ADAMTS17: variants seen among roughly 807,000 people sequenced by gnomAD.
ADAMTS17 encodes A disintegrin and metalloproteinase with thrombospondin motifs 17.
ADAMTS17 carries 113 observed loss-of-function variants against 141.5 expected under a neutral mutation model. The ratio of observed to expected loss-of-function variants is 0.80; its 90% CI spans 0.69 to 0.93. ADAMTS17 has a LOEUF of 0.93. ADAMTS17 is among the 40% of genes least tolerant of loss of function. The probability of loss-of-function intolerance (pLI) is 0.00; values close to 1 mark genes in which losing one functional copy is unlikely to be tolerated. For synonymous variants in ADAMTS17, 768 were observed against 630.6 expected (o/e 1.22, Z -3.27); for missense variants, 1,659 against 1,517.9 (o/e 1.09, Z -1.54).
At position 99,974,500 on chromosome 15, in the gene ADAMTS17, T is replaced by C; in HGVS notation, c.3190A>G (p.Lys1064Glu). ...WTVYCRVIRE[K>E]NLCQDMRWYQ... Reference sequence around the variant, plus strand: ...CACCGCATGTCCTGGCAGAGGTTCTTTTCTCGGATGACCCGGCAATATACC... The same window carrying C: ...CACCGCATGTCCTGGCAGAGGTTCTCTTCTCGGATGACCCGGCAATATACC... Residue 1064 changes from lysine (K) to glutamate (E), a missense_variant, in exon 22 of 22, where the codon AAG becomes GAG. Transcript: ENST00000268070. 1 of 1,614,234 alleles carries C rather than the reference T, an allele frequency of 6.2e-7. No individual in the cohort carries two copies.
intron 13 of ADAMTS17, 143 bp downstream of exon 13, chr15:100,116,704 G>A: frequency 8.9e-7 from 1 of 1,127,972 alleles, no homozygotes; most frequent in Non-Finnish European, 1.3e-6. Flanking sequence ...ACAAAGTTGG[G>A]CCGCAGCTGA....
At chr15:100,236,559 A>C (rs2141874535) in intron 7 of ADAMTS17, among the ~76,000 whole-genome samples, 1 of 152,066 alleles carries the variant, frequency 6.6e-6, no homozygotes, top group Middle Eastern at 3.4e-3. Context: ...ACAAACAAAA[A>C]AACGGCAGTA....
chr15:100,273,591 C>T (rs538613608), intron 4 of ADAMTS17, among the ~76,000 whole-genome samples: 15 of 152,190 alleles, frequency 9.9e-5, no homozygotes, highest in Middle Eastern at 3.4e-3. Context: ...TTTTATCAGT[C>T]GATCTAGCTA....
intron 4 of ADAMTS17, among the ~76,000 whole-genome samples, chr15:100,271,386 T>C (rs553588886): frequency 6.6e-6 from 1 of 152,196 alleles, no homozygotes; most frequent in Admixed American, 6.6e-5. Flanking sequence ...CTGTCAACAC[T>C]TCTGTTTTGT....
At chr15:100,246,107 C>T (rs752106377) in intron 7 of ADAMTS17, among the ~76,000 whole-genome samples, 7 of 152,140 alleles carry the variant, frequency 4.6e-5, no homozygotes, top group South Asian at 2.1e-4. Flanking sequence ...CGCTCTCCAA[C>T]GATCAGACAC....
chr15:100,246,027 C>T (rs1207307093), intron 7 of ADAMTS17, among the ~76,000 whole-genome samples: 1 of 152,126 alleles, frequency 6.6e-6, no homozygotes, highest in Admixed American at 6.5e-5. Context: ...GGAATGTTCT[C>T]GGGATCGCCA....
intron 15 of ADAMTS17, among the ~76,000 whole-genome samples, chr15:100,085,361 A>T (rs28773236): frequency 2.3e-5 from 3 of 128,556 alleles, no homozygotes; most frequent in South Asian, 2.3e-4. Flanking sequence ...CCAAATCTAC[A>T]TCTGATTGGT....
chr15:100,055,414 T>C (rs2032484175), intron 15 of ADAMTS17, among the ~76,000 whole-genome samples: 1 of 152,218 alleles, frequency 6.6e-6, no homozygotes, highest in African/African-American at 2.4e-5. Flanking sequence ...CCTCAGTTCT[T>C]GTCTCCAGGA....
intron 13 of ADAMTS17, among the ~76,000 whole-genome samples, chr15:100,114,842 A>C (rs1391568504): frequency 6.6e-6 from 1 of 152,234 alleles, no homozygotes; most frequent in Non-Finnish European, 1.5e-5. Flanking sequence ...GCAACGAAAC[A>C]GTCCAGCCAT....
At chr15:100,304,784 C>T (rs756908832) in intron 3 of ADAMTS17, among the ~76,000 whole-genome samples, 1 of 152,182 alleles carries the variant, frequency 6.6e-6, no homozygotes, top group East Asian at 1.9e-4. Context: ...CAGGTTTGAA[C>T]TGTGCGGGCC....
At chr15:100,334,977 G>A (rs1313277422) in intron 2 of ADAMTS17, among the ~76,000 whole-genome samples, 1 of 152,052 alleles carries the variant, frequency 6.6e-6, no homozygotes, top group South Asian at 2.1e-4. Context: ...CCCTCGTTCA[G>A]TCCTCCCCAT....
chr15:100,224,104 A>G (rs2141810728), intron 7 of ADAMTS17, among the ~76,000 whole-genome samples: 1 of 152,202 alleles, frequency 6.6e-6, no homozygotes. Flanking sequence ...TGCCTTCCCC[A>G]GCCCCCTGAC....
chr15:100,187,765 G>C (rs74599480), intron 8 of ADAMTS17, among the ~76,000 whole-genome samples: 8,866 of 152,240 alleles, frequency 0.058, 317 homozygotes, highest in East Asian at 0.13. Context: ...GGCAGTGAGG[G>C]TGGGAAGAAG....
intron 15 of ADAMTS17, among the ~76,000 whole-genome samples, chr15:100,073,540 T>TA (rs1481401520): frequency 6.6e-6 from 1 of 151,772 alleles, no homozygotes; most frequent in Non-Finnish European, 1.5e-5. Flanking sequence ...TAGACTGGAT[T>TA]AAAAAAATGT....
intron 7 of ADAMTS17, among the ~76,000 whole-genome samples, chr15:100,244,305 C>T (rs1275916164): frequency 2.1e-5 from 3 of 143,688 alleles, no homozygotes; most frequent in Non-Finnish European, 4.6e-5. Flanking sequence ...CACAGCCAAA[C>T]CGTATCAGTA....
intron 3 of ADAMTS17, among the ~76,000 whole-genome samples, chr15:100,284,593 GGGGT>G: frequency 6.6e-6 from 1 of 152,272 alleles, no homozygotes. Context: ...GGAGCACTGA[GGGGT>G]GGGAGGCTAG....
chr15:100,029,144 A>C (rs762911931), intron 18 of ADAMTS17, among the ~76,000 whole-genome samples: 11 of 152,032 alleles, frequency 7.2e-5, no homozygotes, highest in Non-Finnish European at 8.8e-5. Flanking sequence ...TATGTCTCCC[A>C]TCTTATGTCT....
intron 15 of ADAMTS17, among the ~76,000 whole-genome samples, chr15:100,057,387 C>T (rs562960614): frequency 9.9e-5 from 15 of 152,110 alleles, no homozygotes; most frequent in African/African-American, 1.4e-4. Context: ...GGGCCTGCTC[C>T]GTAGAACCCA....
chr15:100,075,838 G>A lies in ADAMTS17; in HGVS notation c.2137+20518C>T, dbSNP rs181984733. Among the ~76,000 whole-genome samples the A allele has an allele frequency of 8.9e-4, 136 of 152,028 alleles. 1 individual carries two copies. The highest frequency in any genetic ancestry group is 1.7e-3 in the South Asian group (8 of 4,808). ...TTCCACTGCTGTTTTTCTCAATCCTGTCCTCCAGGTTTCTTACTGCACTCT... is the reference window on the plus strand; with the variant it reads ...TTCCACTGCTGTTTTTCTCAATCCTATCCTCCAGGTTTCTTACTGCACTCT... On this transcript the variant is annotated intron_variant, in intron 15 of 21. Transcript: ENST00000268070.
Sources: allele counts gnomAD v4.1 joint callset (sites outside exome capture counted in the v4.1 genomes callset), GRCh38; gene constraint gnomAD v4.1.1; transcripts MANE v1.5; gene names NCBI Gene and HGNC (gene_info 2026-07-23, HGNC 2026-07-21).